Variants in GALNTL6 observed in about 807,000 individuals in gnomAD.
GALNTL6 encodes polypeptide N-acetylgalactosaminyltransferase-like 6.
GALNTL6 carries 46 observed loss-of-function variants against 73.7 expected under a neutral mutation model. The ratio of observed to expected loss-of-function variants is 0.62; its 90% CI spans 0.49 to 0.80. The LOEUF is 0.80. GALNTL6 is among the 30% of genes least tolerant of loss of function. The pLI, the probability that GALNTL6 is intolerant of heterozygous loss-of-function variation, is 0.00. For synonymous variants in GALNTL6, 259 were observed against 263.7 expected (o/e 0.98, Z 0.17); for missense variants, 604 against 755.0 (o/e 0.80, Z 2.34).
chr4:172,046,660 T>G (rs1742230298), intron 2 of GALNTL6, among the ~76,000 whole-genome samples: 1 of 152,180 alleles, frequency 6.6e-6, no homozygotes, highest in Non-Finnish European at 1.5e-5. Context: ...GCTGGCCATT[T>G]GGATATCTTC....
chr4:172,333,331 G>T (rs199605308), intron 4 of GALNTL6, among the ~76,000 whole-genome samples: 1 of 152,138 alleles, frequency 6.6e-6, no homozygotes, highest in Non-Finnish European at 1.5e-5. Context: ...CTTGAACCTG[G>T]GAGATGGAGG....
intron 5 of GALNTL6, among the ~76,000 whole-genome samples, chr4:172,494,985 A>G (rs552421356): frequency 1.3e-5 from 2 of 152,332 alleles, no homozygotes; most frequent in Admixed American, 1.3e-4. Flanking sequence ...AATGTTAACC[A>G]TCATACACCC....
At chr4:171,930,030 C>T (rs368084435) in intron 2 of GALNTL6, among the ~76,000 whole-genome samples, 5 of 152,228 alleles carry the variant, frequency 3.3e-5, no homozygotes, top group Admixed American at 3.3e-4. Flanking sequence ...CTAGCCACCC[C>T]ACCCCCGCTA....
chr4:172,322,962 G>GA (rs1192506768), intron 4 of GALNTL6, among the ~76,000 whole-genome samples: 1 of 151,978 alleles, frequency 6.6e-6, no homozygotes, highest in African/African-American at 2.4e-5. Context: ...GTTAATAGTA[G>GA]AAAAAATATT....
intron 5 of GALNTL6, among the ~76,000 whole-genome samples, chr4:172,781,167 A>G (rs1739351713): frequency 6.6e-6 from 1 of 152,222 alleles, no homozygotes; most frequent in East Asian, 1.9e-4. Flanking sequence ...GCAACAGGAG[A>G]GCAGCGACAG....
At position 172,500,835 on chromosome 4, in the gene GALNTL6, G is replaced by A. The variant is rs532656020; in HGVS notation, c.553+152146G>A. 6.6e-5 allele frequency among the ~76,000 whole-genome samples: 10 copies of A among 152,282 alleles called. No homozygotes were observed. The East Asian group carries it at 1.5e-3, about 24-fold the overall frequency. Reference sequence around the variant, plus strand: ...AATCATATTTGACGGTTGAAGCAAAGATTAAAATGTCATCTGATGCGGTGC... The same window carrying A: ...AATCATATTTGACGGTTGAAGCAAAAATTAAAATGTCATCTGATGCGGTGC... On this transcript the variant is annotated intron_variant, in intron 5 of 12. Transcript: ENST00000506823.
At chr4:172,896,513 A>T (rs549756709) in intron 8 of GALNTL6, among the ~76,000 whole-genome samples, 1 of 152,320 alleles carries the variant, frequency 6.6e-6, no homozygotes, top group East Asian at 1.9e-4. Context: ...AGCCTAGAAG[A>T]CTGTCCCAGT....
chr4:172,517,917 G>A (rs1734659053), intron 5 of GALNTL6, among the ~76,000 whole-genome samples: 1 of 151,892 alleles, frequency 6.6e-6, no homozygotes, highest in Admixed American at 6.6e-5. Flanking sequence ...CCATTCTATT[G>A]ATCTAAAAAT....
chr4:172,246,720 G>C (rs1299214954), intron 3 of GALNTL6, among the ~76,000 whole-genome samples: 1 of 150,770 alleles, frequency 6.6e-6, no homozygotes, highest in East Asian at 1.9e-4. Flanking sequence ...GGCGTAAATG[G>C]TCAAATATTA....
chr4:172,527,553 T>C (rs148704569), intron 5 of GALNTL6, among the ~76,000 whole-genome samples: 165 of 152,276 alleles, frequency 1.1e-3, no homozygotes, highest in African/African-American at 3.9e-3. Flanking sequence ...TTCCTTTCCA[T>C]AGGATGGATT....
chr4:172,360,097 A>G lies in GALNTL6; in HGVS notation c.553+11408A>G, dbSNP rs74366256. The stretch of plus-strand genomic sequence containing the variant: ...ATAGGTGACATGGTTATCTAATAAA[A>G]CCACATGGATTTCTTATTGCAAAAA... On this transcript the variant is annotated intron_variant, in intron 5 of 12. Coordinates refer to ENST00000506823, the MANE Select transcript of GALNTL6 (RefSeq NM_001034845.3). Among the ~76,000 whole-genome samples the G allele has an allele frequency of 6.8e-4, 104 of 152,298 alleles. 1 individual carries two copies. In the East Asian group the frequency reaches 8.7e-3, roughly 13 times the overall value.
intron 5 of GALNTL6, among the ~76,000 whole-genome samples, chr4:172,586,759 A>G (rs956207458): frequency 2.6e-5 from 4 of 152,234 alleles, no homozygotes; most frequent in Non-Finnish European, 1.5e-5. Context: ...GTTCTGCAGA[A>G]TGTTTTATGA....
At chr4:173,005,002 T>A (rs1579770042) in intron 10 of GALNTL6, among the ~76,000 whole-genome samples, 1 of 152,144 alleles carries the variant, frequency 6.6e-6, no homozygotes, top group East Asian at 1.9e-4. Flanking sequence ...TAACAGCCAG[T>A]TGAATCCCCT....
intron 2 of GALNTL6, among the ~76,000 whole-genome samples, chr4:171,880,890 C>T (rs1736427901): frequency 6.6e-6 from 1 of 152,038 alleles, no homozygotes; most frequent in African/African-American, 2.4e-5. Context: ...ATTTTTAAGT[C>T]CATATGGACC....
intron 2 of GALNTL6, among the ~76,000 whole-genome samples, chr4:171,923,415 T>TG (rs1164911042): frequency 6.6e-6 from 1 of 150,384 alleles, no homozygotes; most frequent in Non-Finnish European, 1.5e-5. Flanking sequence ...TTTTTTTTTT[T>TG]GAGACGGAGT....
chr4:172,739,464 G>A (rs557515316), intron 5 of GALNTL6, among the ~76,000 whole-genome samples: 2 of 152,174 alleles, frequency 1.3e-5, no homozygotes, highest in African/African-American at 4.8e-5. Flanking sequence ...TGTTTTGTTT[G>A]GTTGATTGGT....
intron 5 of GALNTL6, among the ~76,000 whole-genome samples, chr4:172,376,234 T>A (rs2111269376): frequency 6.6e-6 from 1 of 152,238 alleles, no homozygotes. Context: ...GGAGTGATTT[T>A]TAGAAGAGGG....
intron 2 of GALNTL6, among the ~76,000 whole-genome samples, chr4:171,996,026 C>T (rs1740475580): frequency 6.6e-6 from 1 of 152,028 alleles, no homozygotes; most frequent in South Asian, 2.1e-4. Flanking sequence ...TATACAGCTC[C>T]TCTAAATGGC....
At chr4:172,853,212 T>C (rs949624977) in intron 7 of GALNTL6, among the ~76,000 whole-genome samples, 74 of 152,192 alleles carry the variant, frequency 4.9e-4, no homozygotes, top group African/African-American at 1.7e-3. Flanking sequence ...ACTCAGGTTG[T>C]TGAAAGAATT....
Sources: gnomAD v4.1 joint callset for allele counts (sites outside exome capture counted in the v4.1 genomes callset) on GRCh38, gnomAD v4.1.1 for gene constraint, MANE v1.5 for transcripts, NCBI Gene and HGNC (gene_info 2026-07-23, HGNC 2026-07-21) for gene names.